Variants in HECTD4 observed in about 807,000 individuals in gnomAD.
HECTD4 encodes the protein probable E3 ubiquitin-protein ligase HECTD4.
A neutral mutation model predicts 471.5 loss-of-function variants in HECTD4; 114 were observed. The observed-to-expected ratio is 0.24, with a 90% CI of 0.21 to 0.28. HECTD4 has a LOEUF of 0.28. HECTD4 is among the 10% of genes least tolerant of loss of function. The pLI is 1.00. For synonymous variants in HECTD4, 2,012 were observed against 2,256.0 expected, an observed-to-expected ratio of 0.89 and a Z score of 3.07; for missense variants, 3,866 against 5,651.5, an observed-to-expected ratio of 0.68 and a Z score of 10.13.
rs1028742522 is a variant in HECTD4 at position 112,197,908 on chromosome 12, C to T, written c.8567+2730G>A. ...CAGGGCCTAGCTTAGGCACTGGGGA[C>T]TCTAGCAACCTCTGCCTCCTGGGAT... is the stretch of plus-strand genomic sequence containing the variant. On this transcript the variant is annotated intron_variant, in intron 55 of 75. Transcript: ENST00000682272. 1.3e-5 allele frequency among the ~76,000 whole-genome samples: 2 copies of T among 152,304 alleles called. 1 individual carries two copies. The highest frequency in any genetic ancestry group is 4.2e-4 in the South Asian group (2 of 4,818).
chr12:112,224,761 T>G (rs1029964918), intron 44 of HECTD4, among the ~76,000 whole-genome samples: 22 of 152,234 alleles, frequency 1.4e-4, no homozygotes, highest in African/African-American at 5.3e-4. Flanking sequence ...AGACCACTGC[T>G]CTAAATTATT....
chr12:112,324,054 CTTT>C (rs2035680613), intron 1 of HECTD4, among the ~76,000 whole-genome samples: 1 of 61,528 alleles, frequency 1.6e-5, no homozygotes, highest in Non-Finnish European at 2.5e-5. Flanking sequence ...TCCTTTCTTT[CTTT>C]CTTTCTTTCT....
intron 1 of HECTD4, among the ~76,000 whole-genome samples, chr12:112,357,972 G>A (rs1454429553): frequency 6.6e-6 from 1 of 152,338 alleles, no homozygotes; most frequent in African/African-American, 2.4e-5. Context: ...GGAAGCCGAG[G>A]CAGGCGGATC....
intron 67 of HECTD4, 23 bp downstream of exon 67, chr12:112,172,648 G>C (rs1347519082): frequency 6.2e-7 from 1 of 1,609,196 alleles, no homozygotes; most frequent in East Asian, 2.2e-5. Context: ...AGCAGGGGAG[G>C]GGATAGGCCC....
chr12:112,367,213 C>T (rs1453963341), intron 1 of HECTD4, among the ~76,000 whole-genome samples: 1 of 150,600 alleles, frequency 6.6e-6, no homozygotes, highest in African/African-American at 2.4e-5. Context: ...GAGGCAGAAT[C>T]ACTTGAACCG....
chr12:112,225,327 C>CAA (rs201230586), intron 44 of HECTD4, among the ~76,000 whole-genome samples: 14 of 61,328 alleles, frequency 2.3e-4, no homozygotes, highest in South Asian at 1.4e-3. Flanking sequence ...TTTAAAAGAC[C>CAA]AAAAAAAAAA....
chr12:112,300,697 A>C (rs796533988), intron 7 of HECTD4, among the ~76,000 whole-genome samples: 5 of 152,254 alleles, frequency 3.3e-5, no homozygotes, highest in African/African-American at 1.2e-4. Flanking sequence ...TCCAGGGCTC[A>C]AGCAATCCTC....
At position 112,381,967 on chromosome 12, in the gene HECTD4, C is replaced by T; in HGVS notation, c.162G>A (p.Ala54=). ...CCTCGCTCACCTCCAGGTCGGTGTC[C>T]GCGGCCTCTGGGGCCCCGAGGATCT... ...PSEILGAPEA[A]DTDLEILTFE... Residue 54 remains alanine, a synonymous_variant, in exon 1 of 76, where the codon GCG becomes GCA. Coordinates refer to ENST00000682272, the MANE Select transcript of HECTD4 (RefSeq NM_001388303.1). This position sits in a 1 kb window ranked among gnomAD's most constrained non-coding sequence, Gnocchi z 4.1. The T allele has an allele frequency of 8.2e-7, 1 of 1,224,450 alleles. No homozygotes were observed. The allele number at this position is 1,224,450 out of a possible 1,614,324, so 75.8% of individuals were successfully genotyped here.
At chr12:112,231,159 C>T in intron 39 of HECTD4, 1 of 441,050 alleles carries the variant, frequency 2.3e-6, no homozygotes, top group East Asian at 4.1e-5. Context: ...ACTGCTGCTT[C>T]TGCTCCTAGA....
intron 2 of HECTD4, among the ~76,000 whole-genome samples, chr12:112,315,218 G>A (rs566034846): frequency 5.9e-5 from 9 of 152,282 alleles, no homozygotes; most frequent in African/African-American, 1.9e-4. Context: ...CGCATCCCAA[G>A]TACAAATCAC....
rs1419622710 is a variant in HECTD4 at position 112,161,211 on chromosome 12, C to T, written c.*1176G>A. 6.6e-6 allele frequency: 1 copy of T among 152,176 alleles called. No homozygotes were observed. The highest frequency in any genetic ancestry group is 1.5e-5 in the Non-Finnish European group (1 of 68,072). 9.4% of individuals were successfully genotyped at this position (152,176 alleles called of 1,614,324 possible). The stretch of plus-strand genomic sequence containing the variant: ...GTGTCCAACAAGATGGCCTGTGCTG[C>T]TCATGAACAAAGTACCACTGGACAA... On this transcript the variant is annotated 3_prime_UTR_variant, in exon 76 of 76. Coordinates refer to ENST00000682272, the MANE Select transcript of HECTD4 (RefSeq NM_001388303.1).
At chr12:112,287,855 T>C (rs924478823) in intron 7 of HECTD4, among the ~76,000 whole-genome samples, 7 of 152,202 alleles carry the variant, frequency 4.6e-5, no homozygotes, top group Non-Finnish European at 8.8e-5. Context: ...TTCAGCTATT[T>C]TGTAGTCTTA....
chr12:112,256,645 A>T, intron 20 of HECTD4, 127 bp from the exon 21 acceptor site: 1 of 476,242 alleles, frequency 2.1e-6, no homozygotes, highest in Admixed American at 4.3e-5. Flanking sequence ...TAAATGCTTG[A>T]TATCAGTGGC....
intron 1 of HECTD4, among the ~76,000 whole-genome samples, chr12:112,358,881 T>C (rs1356081621): frequency 6.6e-6 from 1 of 152,002 alleles, no homozygotes; most frequent in Non-Finnish European, 1.5e-5. Context: ...GATCCTGTAG[T>C]ATAAGAACGG....
intron 69 of HECTD4, chr12:112,170,072 T>C: frequency 3.5e-6 from 2 of 567,374 alleles, no homozygotes; most frequent in East Asian, 3.0e-5. Flanking sequence ...GGCAGGCACA[T>C]GGCTGATCAG....
intron 47 of HECTD4, 84 bp downstream of exon 47, chr12:112,216,689 C>G: frequency 6.8e-7 from 1 of 1,472,190 alleles, no homozygotes. Flanking sequence ...GAAGACAGAA[C>G]TCTATTTTGA....
chr12:112,290,078 T>C (rs1566100406), intron 7 of HECTD4, among the ~76,000 whole-genome samples: 1 of 151,978 alleles, frequency 6.6e-6, no homozygotes, highest in Non-Finnish European at 1.5e-5. Context: ...CCCAGCACTT[T>C]GAGAGGCCGA....
Position 112,203,380 on chromosome 12 carries a change from G to A in HECTD4, c.8406+256C>T, listed in dbSNP as rs545573243. 14 of 354,472 alleles carry A rather than the reference G, an allele frequency of 3.9e-5. No individual in the cohort carries two copies. The South Asian group carries it at 7.4e-4, about 19-fold the overall frequency. 22.0% of individuals were successfully genotyped at this position (354,472 alleles called of 1,614,324 possible). A position where few individuals can be genotyped will look rare whatever the true frequency, so the allele number is the denominator to read the frequency against. On this transcript the variant is annotated intron_variant, in intron 54 of 75. Coordinates refer to ENST00000682272, the MANE Select transcript of HECTD4 (RefSeq NM_001388303.1). ...TGAACATGTCGGACAGAAAATAATG[G>A]TAGAGGTGGTGTGGTCTGAAGGCGG... is the stretch of plus-strand genomic sequence containing the variant.
chr12:112,318,534 C>T (rs564242106), intron 2 of HECTD4, among the ~76,000 whole-genome samples: 2 of 152,060 alleles, frequency 1.3e-5, no homozygotes, highest in South Asian at 2.1e-4. Flanking sequence ...CCACAACGCC[C>T]GGCTAATTTT....
Sources: allele counts gnomAD v4.1 joint callset (sites outside exome capture counted in the v4.1 genomes callset), GRCh38; gene constraint gnomAD v4.1.1; non-coding constraint Gnocchi (gnomAD v3.1); transcripts MANE v1.5; gene names NCBI Gene and HGNC (gene_info 2026-07-23, HGNC 2026-07-21).